The following USP42 variants were observed in gnomAD, a reference collection of about 807,000 sequenced individuals.
USP42 encodes ubiquitin carboxyl-terminal hydrolase 42.
A neutral mutation model predicts 113.0 loss-of-function variants in USP42; 23 were observed. That is an observed-to-expected ratio of 0.20 (90% CI 0.15 to 0.29). The LOEUF (loss-of-function observed/expected upper bound fraction) is 0.29, where lower values mean the gene tolerates loss of function less well. Among genes scored for constraint, USP42 ranks in the 10% least tolerant of loss-of-function variants. The probability of loss-of-function intolerance (pLI) is 1.00; values close to 1 mark genes in which losing one functional copy is unlikely to be tolerated. For synonymous variants in USP42, 933 were observed against 699.0 expected, an observed-to-expected ratio of 1.33 and a Z score of -5.28; for missense variants, 2,174 against 1,779.8, an observed-to-expected ratio of 1.22 and a Z score of -3.99.
At chr7:6,132,380 C>T (rs1780898158) in intron 3 of USP42, among the ~76,000 whole-genome samples, 2 of 151,992 alleles carry the variant, frequency 1.3e-5, no homozygotes, top group Admixed American at 6.6e-5. Context: ...TTTTTTGAGA[C>T]TGAGTTTCAC....
chr7:6,117,973 T>C (rs1361742123), intron 3 of USP42, among the ~76,000 whole-genome samples: 2 of 152,224 alleles, frequency 1.3e-5, no homozygotes, highest in African/African-American at 2.4e-5. Flanking sequence ...ATCCTCGATA[T>C]AAGTCTTTTA....
At chr7:6,120,027 G>A (rs1780129326) in intron 3 of USP42, among the ~76,000 whole-genome samples, 2 of 151,946 alleles carry the variant, frequency 1.3e-5, no homozygotes, top group African/African-American at 4.8e-5. Flanking sequence ...GTGCAGTGGC[G>A]CTGTCTCGGC....
At position 6,111,108 on chromosome 7, in the gene USP42, C is replaced by A. The variant is rs1179144988; in HGVS notation, c.-9-17C>A. On this transcript the variant is annotated splice_polypyrimidine_tract_variant and intron_variant, in intron 1 of 17. Coordinates refer to ENST00000306177, the MANE Select transcript of USP42 (RefSeq NM_032172.3). Reference sequence around the variant, plus strand: ...TCTCACCTGATGAAACAAATACATACTTTTCATCTTTTGCAGAGTTGAACA... The same window carrying A: ...TCTCACCTGATGAAACAAATACATAATTTTCATCTTTTGCAGAGTTGAACA... 3 of 1,600,290 alleles carry A rather than the reference C, an allele frequency of 1.9e-6. No individual in the cohort carries two copies. Among genetic ancestry groups the A allele is most frequent in the Middle Eastern group, 3.3e-4 (2 of 6,014 alleles).
chr7:6,145,482 C>T (rs377012531), intron 9 of USP42, 34 bp from the exon 10 acceptor site: 85 of 1,613,182 alleles, frequency 5.3e-5, no homozygotes, highest in African/African-American at 4.0e-4. Context: ...TCTGTGCCCT[C>T]GGAAATGTTT....
At chr7:6,151,953 G>A (rs1205561358) in intron 14 of USP42, among the ~76,000 whole-genome samples, 1 of 152,120 alleles carries the variant, frequency 6.6e-6, no homozygotes, top group Non-Finnish European at 1.5e-5. Context: ...TTGACCGTAT[G>A]TATGAGGTAC....
At chr7:6,145,785 C>T (rs1781683237) in intron 10 of USP42, 129 bp downstream of exon 10, 1 of 1,110,014 alleles carries the variant, frequency 9.0e-7, no homozygotes, top group Non-Finnish European at 1.3e-6. Context: ...AAATATTTCT[C>T]TTGGCCGGGC....
the USP42 span, among the ~76,000 whole-genome samples, chr7:6,096,517 A>G: frequency 0.013 from 2,012 of 151,448 alleles, 37 homozygotes; most frequent in Middle Eastern, 0.061. Flanking sequence ...ATGGTCATGC[A>G]GAGAGTTCAC....
intron 3 of USP42, among the ~76,000 whole-genome samples, chr7:6,124,054 T>C (rs1012333596): frequency 2.0e-5 from 3 of 152,004 alleles, no homozygotes; most frequent in African/African-American, 7.2e-5. Flanking sequence ...TTTTGTATTT[T>C]TAGTAGTGAT....
intron 1 of USP42, among the ~76,000 whole-genome samples, chr7:6,106,882 A>T (rs1312973050): frequency 6.6e-6 from 1 of 152,158 alleles, no homozygotes; most frequent in African/African-American, 2.4e-5. Flanking sequence ...TTGTTGTTTT[A>T]ATGCTCTTGT....
chr7:6,086,705 C>T, the USP42 span, among the ~76,000 whole-genome samples: 1 of 144,604 alleles, frequency 6.9e-6, no homozygotes, highest in Non-Finnish European at 1.5e-5. Context: ...CTTTCCTTTC[C>T]TTTCCTTTTC....
chr7:6,112,466 A>G (rs572398934), intron 2 of USP42, among the ~76,000 whole-genome samples: 1 of 152,268 alleles, frequency 6.6e-6, no homozygotes, highest in East Asian at 1.9e-4. Flanking sequence ...AAAAAAGAAA[A>G]AAAAAAGAGA....
chr7:6,107,990 G>A (rs1447253454), intron 1 of USP42, among the ~76,000 whole-genome samples: 2 of 152,078 alleles, frequency 1.3e-5, no homozygotes, highest in East Asian at 3.9e-4. Flanking sequence ...AATTACACCA[G>A]CCTGGCCAAC....
chr7:6,143,119 G>T, intron 8 of USP42, 105 bp downstream of exon 8: 1 of 1,144,814 alleles, frequency 8.7e-7, no homozygotes, highest in South Asian at 1.4e-5. Flanking sequence ...TTGAGTTTCT[G>T]ATACCCTCTG....
chr7:6,114,654 GTGTATATATATATA>G (rs1382421664), intron 2 of USP42, among the ~76,000 whole-genome samples: 23 of 69,296 alleles, frequency 3.3e-4, no homozygotes, highest in Admixed American at 9.4e-4. Flanking sequence ...GTATGTGTGT[GTGTATATATATATA>G]TATATATATA....
At chr7:6,134,112 C>G (rs943122409) in intron 3 of USP42, among the ~76,000 whole-genome samples, 7 of 152,062 alleles carry the variant, frequency 4.6e-5, no homozygotes, top group Non-Finnish European at 8.8e-5. Context: ...AGGATCGTCT[C>G]GATCTCCTGA....
At position 6,159,867 on chromosome 7, in the gene USP42, A is replaced by T. The variant is rs1416548680; in HGVS notation, c.*36+374A>T. On this transcript the variant is annotated intron_variant, in intron 17 of 17. Transcript: ENST00000306177. The surrounding 1 kb of genome is among the most constrained non-coding windows in gnomAD (Gnocchi z 4.1). Reference sequence around the variant, plus strand: ...GGTCCCCAGCACAGGCACCTCACTCAGGAGAGCGGAGCCTTGCTCCCTCGT... The same window carrying T: ...GGTCCCCAGCACAGGCACCTCACTCTGGAGAGCGGAGCCTTGCTCCCTCGT... Among the ~76,000 whole-genome samples the T allele has an allele frequency of 2.6e-5, 4 of 152,178 alleles. No homozygotes were observed. The highest frequency in any genetic ancestry group is 9.7e-5 in the African/African-American group (4 of 41,446).
intron 3 of USP42, among the ~76,000 whole-genome samples, chr7:6,130,435 G>A (rs543879723): frequency 6.6e-6 from 1 of 152,176 alleles, no homozygotes; most frequent in Non-Finnish European, 1.5e-5. Flanking sequence ...GACCCTCACC[G>A]GGGGCTGGGG....
Position 6,153,966 on chromosome 7 carries a change from C to A in USP42, c.2412C>A (p.Ser804Arg). ...TCGCCCCCGAGGAGCCTCCGCCCAG[C>A]GCCGGCGAGGACATCGTGGGGGACA... is the stretch of plus-strand genomic sequence containing the variant. Reference protein sequence around the residue: ...MAVAPEEPPPSAGEDIVGDTA... With the variant: ...MAVAPEEPPPRAGEDIVGDTA... The change falls in exon 15 of 18, where the codon AGC (serine) becomes AGA (arginine). Residue 804 changes from serine to arginine, a missense_variant. By Grantham distance (110) the Ser-to-Arg change is moderately radical (BLOSUM62 -1). Coordinates refer to ENST00000306177, the MANE Select transcript of USP42 (RefSeq NM_032172.3). The A allele has an allele frequency of 6.3e-7, 1 of 1,595,468 alleles. No homozygotes were observed. The highest frequency in any genetic ancestry group is 8.5e-7 in the Non-Finnish European group (1 of 1,173,356).
intron 1 of USP42, among the ~76,000 whole-genome samples, chr7:6,109,962 A>G (rs547315794): frequency 1.2e-4 from 18 of 151,520 alleles, no homozygotes; most frequent in Non-Finnish European, 2.2e-4. Context: ...CGGCCTCCCA[A>G]AATGCTGGGA....
Sources: gnomAD v4.1 joint callset for allele counts (sites outside exome capture counted in the v4.1 genomes callset) on GRCh38, gnomAD v4.1.1 for gene constraint, Gnocchi (gnomAD v3.1) non-coding constraint, MANE v1.5 for transcripts, NCBI Gene and HGNC (gene_info 2026-07-23, HGNC 2026-07-21) for gene names.